KIRREL3: variants seen among roughly 807,000 people sequenced by gnomAD.
KIRREL3 encodes the protein kin of IRRE-like protein 3.
In KIRREL3, 36 loss-of-function variants were observed where a neutral mutation model predicts 89.7. The observed-to-expected ratio is 0.40, with a 90% CI of 0.31 to 0.53. KIRREL3 has a LOEUF of 0.53. Ranked by LOEUF, KIRREL3 falls within the 20% of genes least tolerant of loss-of-function variation. The pLI, the probability that KIRREL3 is intolerant of heterozygous loss-of-function variation, is 0.49. For synonymous variants in KIRREL3, 445 were observed against 441.4 expected (o/e 1.01, Z -0.10); for missense variants, 864 against 1,056.6 (o/e 0.82, Z 2.53).
In KIRREL3 at chr11:126,708,234, A is replaced by C. The variant is rs1947617360; in HGVS notation, c.56-145322T>G. Among the ~76,000 whole-genome samples the C allele has an allele frequency of 6.6e-6, 1 of 152,182 alleles. No homozygotes were observed. The highest frequency in any genetic ancestry group is 2.4e-5 in the African/African-American group (1 of 41,442). The stretch of plus-strand genomic sequence containing the variant: ...CTTTTTCCTGGCAGTTTACAATGTT[A>C]TATTGCTACCAAAGCGGGCAAAATG... On this transcript the variant is annotated intron_variant, in intron 1 of 16. Transcript: ENST00000525144. This position sits in a 1 kb window ranked among gnomAD's most constrained non-coding sequence, Gnocchi z 5.7.
rs1478340880 is a variant in KIRREL3 at position 126,867,393 on chromosome 11, G to C, written c.55+133062C>G. Among the ~76,000 whole-genome samples the C allele has an allele frequency of 6.6e-6, 1 of 152,144 alleles. No homozygotes were observed. The highest frequency in any genetic ancestry group is 6.5e-5 in the Admixed American group (1 of 15,272). On this transcript the variant is annotated intron_variant, in intron 1 of 16. Transcript: ENST00000525144. The surrounding 1 kb of genome is among the most constrained non-coding windows in gnomAD (Gnocchi z 4.7). ...TAGCCATCAGGCTTCCCATTCGGCT[G>C]TTCTCCAGCTTGGAATGCTGTTTCT...
At chr11:126,439,150 G>A (rs1253206994) in intron 11 of KIRREL3, among the ~76,000 whole-genome samples, 1 of 152,150 alleles carries the variant, frequency 6.6e-6, no homozygotes, top group Non-Finnish European at 1.5e-5. Flanking sequence ...GGCCAACATG[G>A]TGAAACCTTA....
intron 1 of KIRREL3, among the ~76,000 whole-genome samples, chr11:126,874,452 C>T (rs1361075687): frequency 6.6e-6 from 1 of 152,228 alleles, no homozygotes; most frequent in African/African-American, 2.4e-5. Context: ...TAAAAATCAG[C>T]ACTGCCGGTG....
Position 126,940,859 on chromosome 11 carries a change from A to C in KIRREL3, c.55+59596T>G, listed in dbSNP as rs1185058640. The C allele has an allele frequency of 6.6e-6, 1 of 151,732 alleles. No individual in the cohort carries two copies. The highest frequency in any genetic ancestry group is 2.4e-5 in the African/African-American group (1 of 41,246). 9.4% of individuals were successfully genotyped at this position (151,732 alleles called of 1,614,324 possible). A position where few individuals can be genotyped will look rare whatever the true frequency, so the allele number is the denominator to read the frequency against. On this transcript the variant is annotated intron_variant, in intron 1 of 16. Transcript: ENST00000525144. This position sits in a 1 kb window ranked among gnomAD's most constrained non-coding sequence, Gnocchi z 4.6. ...TATCGCATGAGCCAAGACTGTCATG[A>C]AACTATTTGGATACTGTACTCTGGT... is the stretch of plus-strand genomic sequence containing the variant.
At chr11:126,923,119 TCTC>T (rs1266743467) in intron 1 of KIRREL3, among the ~76,000 whole-genome samples, 13 of 57,632 alleles carry the variant, frequency 2.3e-4, no homozygotes, top group African/African-American at 8.1e-4. Flanking sequence ...TCCTTCTCCT[TCTC>T]CTTCTTCTCT....
In KIRREL3 at chr11:126,670,223, T is replaced by TA. The variant is rs530037310; in HGVS notation, c.56-107312dup. On this transcript the variant is annotated intron_variant, in intron 1 of 16. Transcript: ENST00000525144. The stretch of plus-strand genomic sequence containing the variant: ...CCCCACATAGCAGGCATAATGATTT[T>TA]AAAAAATCAGCATTTGACCAAATCG... Among the ~76,000 whole-genome samples the TA allele has an allele frequency of 1.1e-3, 171 of 152,190 alleles. 3 individuals are homozygous for TA. The South Asian group carries it at 0.025, about 22-fold the overall frequency.
Position 127,000,606 on chromosome 11 carries a change from C to CG in KIRREL3, c.-98dup. The CG allele has an allele frequency of 7.7e-7, 1 of 1,305,444 alleles. No individual in the cohort carries two copies. 80.9% of individuals were successfully genotyped at this position (1,305,444 alleles called of 1,614,324 possible). ...GGTGCTCAGCCTCCGCCGGTCCTCT[C>CG]GGGTTCGCGCCTACCATCTGTCCGT... On this transcript the variant is annotated 5_prime_UTR_variant, in exon 1 of 17. An upstream open reading frame in the 5' UTR gains an earlier in-frame stop. Transcript: ENST00000525144. This position sits in a 1 kb window ranked among gnomAD's most constrained non-coding sequence, Gnocchi z 7.1.
chr11:126,835,754 G>A (rs1943759967), intron 1 of KIRREL3, among the ~76,000 whole-genome samples: 1 of 152,224 alleles, frequency 6.6e-6, no homozygotes, highest in Non-Finnish European at 1.5e-5. Context: ...GCTTTTGCCA[G>A]TACCTTTGCT....
In KIRREL3 at chr11:126,863,245, C is replaced by T. The variant is rs370989900; in HGVS notation, c.55+137210G>A. 3.2e-4 allele frequency among the ~76,000 whole-genome samples: 48 copies of T among 152,344 alleles called. No individual in the cohort carries two copies. The South Asian group carries it at 9.3e-3, about 30-fold the overall frequency. On this transcript the variant is annotated intron_variant, in intron 1 of 16. Transcript: ENST00000525144. ...ACTGGAGGACTGCTCAGTTGCTGTT[C>T]TGTGCTGGGATTCCAGCCTCCTCTT...
intron 7 of KIRREL3, among the ~76,000 whole-genome samples, chr11:126,452,890 A>G (rs1458016843): frequency 6.6e-6 from 1 of 152,132 alleles, no homozygotes; most frequent in African/African-American, 2.4e-5. Context: ...ACCCTCTGAG[A>G]GGTCCCTGCC....
Position 126,565,341 on chromosome 11 carries a change from A to G in KIRREL3, c.56-2429T>C, listed in dbSNP as rs139311720. Among the ~76,000 whole-genome samples the G allele has an allele frequency of 9.2e-5, 14 of 152,340 alleles. No individual in the cohort carries two copies. The East Asian group carries it at 2.7e-3, about 29-fold the overall frequency. ...GGCTGTGTGGACAAGTGGTTATGAT[A>G]TAATAACTAAGAGTCTCACTGATTA... On this transcript the variant is annotated intron_variant, in intron 1 of 16. Transcript: ENST00000525144. This position sits in a 1 kb window ranked among gnomAD's most constrained non-coding sequence, Gnocchi z 5.4.
At chr11:126,937,986 A>G (rs1450679509) in intron 1 of KIRREL3, among the ~76,000 whole-genome samples, 1 of 152,192 alleles carries the variant, frequency 6.6e-6, no homozygotes, top group Non-Finnish European at 1.5e-5. Context: ...AGAACCCCAA[A>G]GAGTCACAGA....
At position 126,917,463 on chromosome 11, in the gene KIRREL3, T is replaced by C. The variant is rs1029807723; in HGVS notation, c.55+82992A>G. On this transcript the variant is annotated intron_variant, in intron 1 of 16. Transcript: ENST00000525144. This position sits in a 1 kb window ranked among gnomAD's most constrained non-coding sequence, Gnocchi z 5.0. ...GGTTAAAATGTCAAATTTCATGTTGTATATATTTTACCACAATAAAAAAAT... is the reference window on the plus strand; with the variant it reads ...GGTTAAAATGTCAAATTTCATGTTGCATATATTTTACCACAATAAAAAAAT... 1.8e-4 allele frequency among the ~76,000 whole-genome samples: 27 copies of C among 152,090 alleles called. No homozygotes were observed. The highest frequency in any genetic ancestry group is 6.3e-4 in the African/African-American group (26 of 41,388).
At chr11:126,540,953 A>G (rs1040715891) in intron 2 of KIRREL3, among the ~76,000 whole-genome samples, 14 of 151,886 alleles carry the variant, frequency 9.2e-5, no homozygotes, top group Admixed American at 4.6e-4. Context: ...GCACCTTGGG[A>G]TGTGTTGGAG....
intron 2 of KIRREL3, among the ~76,000 whole-genome samples, chr11:126,540,767 G>C (rs1027840813): frequency 6.6e-6 from 1 of 152,254 alleles, no homozygotes; most frequent in African/African-American, 2.4e-5. Flanking sequence ...GCATAGCAGA[G>C]TGGGTTTATG....
rs367876491 is a variant in KIRREL3, at chr11:126,444,967, C to G, written c.1252+12G>C. 1 of 1,613,556 alleles carries G rather than the reference C, an allele frequency of 6.2e-7. No individual in the cohort carries two copies. The highest frequency in any genetic ancestry group is 8.5e-7 in the Non-Finnish European group (1 of 1,179,816). On this transcript the variant is annotated intron_variant, in intron 10 of 16. Transcript: ENST00000525144. ...CTCCCTCAGGCCTGGCTCACCCCAGCGAGGGTCTTACCATTGACGGTCAGG... is the reference window on the plus strand; with the variant it reads ...CTCCCTCAGGCCTGGCTCACCCCAGGGAGGGTCTTACCATTGACGGTCAGG...
rs146031522 is a variant in KIRREL3 at position 126,461,452 on chromosome 11, C to T, written c.742+1705G>A. ...AGCTCTAGGCTTGGCCAGAGCTCCG[C>T]GGCCCTGGCTGCTTGTGAATGAGGA... is the stretch of plus-strand genomic sequence containing the variant. On this transcript the variant is annotated intron_variant, in intron 6 of 16. Transcript: ENST00000525144. Among the ~76,000 whole-genome samples the T allele has an allele frequency of 6.1e-3, 927 of 152,242 alleles. 11 individuals carry two copies. The highest frequency in any genetic ancestry group is 0.02 in the African/African-American group (834 of 41,536).
At chr11:126,691,035 A>G (rs575524116) in intron 1 of KIRREL3, among the ~76,000 whole-genome samples, 5 of 152,358 alleles carry the variant, frequency 3.3e-5, no homozygotes, top group Admixed American at 3.3e-4. Flanking sequence ...GTCAATAAAC[A>G]TATGATGGGA....
intron 1 of KIRREL3, among the ~76,000 whole-genome samples, chr11:126,827,015 G>C (rs1406499256): frequency 6.6e-6 from 1 of 152,108 alleles, no homozygotes; most frequent in East Asian, 1.9e-4. Flanking sequence ...GGCTTTCCTT[G>C]TTCTGCTTTT....
Sources: allele counts gnomAD v4.1 joint callset (sites outside exome capture counted in the v4.1 genomes callset), GRCh38; gene constraint gnomAD v4.1.1; non-coding constraint Gnocchi (gnomAD v3.1); transcripts MANE v1.5; gene names NCBI Gene and HGNC (gene_info 2026-07-23, HGNC 2026-07-21).